TBC1D22A: variants seen among roughly 807,000 people sequenced by gnomAD.
TBC1D22A encodes putative GTPase activator.
In TBC1D22A, 38 loss-of-function variants were observed where a neutral mutation model predicts 60.2. The ratio of observed to expected loss-of-function variants is 0.63; its 90% CI spans 0.49 to 0.83. TBC1D22A has a LOEUF of 0.83. TBC1D22A is among the 40% of genes least tolerant of loss of function. The pLI is 0.00. For synonymous variants in TBC1D22A, 302 were observed against 281.7 expected (o/e 1.07, Z -0.72); for missense variants, 628 against 701.0 (o/e 0.90, Z 1.18).
intron 4 of TBC1D22A, among the ~76,000 whole-genome samples, chr22:46,875,050 T>A (rs533785194): frequency 6.6e-6 from 1 of 152,316 alleles, no homozygotes; most frequent in East Asian, 1.9e-4. Flanking sequence ...GCAGTTCCAC[T>A]CCTTCACACC....
At chr22:47,061,024 C>T (rs113990273) in intron 11 of TBC1D22A, among the ~76,000 whole-genome samples, 3,731 of 152,278 alleles carry the variant, frequency 0.025, 141 homozygotes, top group African/African-American at 0.085. Flanking sequence ...TCGCATGCGA[C>T]CTCCTGGAAA....
At chr22:46,874,562 CTTTTTTTTTTTTTT>C (rs747481407) in intron 4 of TBC1D22A, among the ~76,000 whole-genome samples, 1,479 of 40,894 alleles carry the variant, frequency 0.036, 31 homozygotes, top group South Asian at 0.077. Context: ...ACAGGTATGT[CTTTTTTTTTTTTTT>C]TTTTTTTTTT....
intron 3 of TBC1D22A, among the ~76,000 whole-genome samples, chr22:46,795,467 G>A (rs974524052): frequency 1.3e-5 from 2 of 152,018 alleles, no homozygotes; most frequent in East Asian, 3.9e-4. Flanking sequence ...ATGTCACCCT[G>A]GGATGTCACC....
At chr22:47,132,038 AG>A (rs2066695747) in intron 12 of TBC1D22A, among the ~76,000 whole-genome samples, 1 of 152,190 alleles carries the variant, frequency 6.6e-6, no homozygotes, top group African/African-American at 2.4e-5. Context: ...GCAAGGGTGC[AG>A]TGTGCGGCCA....
chr22:46,968,707 C>T (rs186557742), intron 8 of TBC1D22A, among the ~76,000 whole-genome samples: 4 of 152,198 alleles, frequency 2.6e-5, no homozygotes, highest in Non-Finnish European at 5.9e-5. Context: ...GATTTTTAGC[C>T]CATCCATCCC....
intron 12 of TBC1D22A, among the ~76,000 whole-genome samples, chr22:47,137,153 C>T (rs1171596454): frequency 6.6e-6 from 1 of 152,328 alleles, no homozygotes; most frequent in African/African-American, 2.4e-5. Context: ...GTGTTCATTT[C>T]GTTACCCTAA....
chr22:47,111,122 T>C (rs2065828730), intron 11 of TBC1D22A, among the ~76,000 whole-genome samples: 2 of 152,156 alleles, frequency 1.3e-5, no homozygotes, highest in African/African-American at 4.8e-5. Context: ...ATCTGTGGAG[T>C]GGGAGGAGGC....
intron 7 of TBC1D22A, 102 bp downstream of exon 7, chr22:46,894,948 C>A: frequency 7.4e-7 from 1 of 1,353,336 alleles, no homozygotes; most frequent in Non-Finnish European, 1.1e-6. Flanking sequence ...CACCCAGAAG[C>A]AAGGTTGCTG....
intron 4 of TBC1D22A, among the ~76,000 whole-genome samples, chr22:46,811,461 T>C (rs925680717): frequency 3.9e-5 from 6 of 152,064 alleles, no homozygotes; most frequent in Admixed American, 3.9e-4. Context: ...ATTTCCATAG[T>C]GGGAGATGGG....
At chr22:47,027,818 G>T (rs894788788) in intron 10 of TBC1D22A, among the ~76,000 whole-genome samples, 6 of 152,168 alleles carry the variant, frequency 3.9e-5, no homozygotes, top group Non-Finnish European at 8.8e-5. Context: ...AAGACTGGGC[G>T]AGCCTTCCAG....
chr22:46,790,227 G>T (rs1017405961), intron 1 of TBC1D22A, among the ~76,000 whole-genome samples: 7 of 152,242 alleles, frequency 4.6e-5, no homozygotes, highest in African/African-American at 1.7e-4. Context: ...CACGTTCCTT[G>T]GCATACAGCC....
intron 8 of TBC1D22A, chr22:46,915,086 C>T (rs140971769): frequency 1.9e-4 from 49 of 261,216 alleles, no homozygotes; most frequent in Admixed American, 4.1e-4. Flanking sequence ...AAGGGCAGGG[C>T]GGCTTGGGCT....
At chr22:47,113,810 C>T (rs2065933661) in intron 12 of TBC1D22A, among the ~76,000 whole-genome samples, 1 of 152,144 alleles carries the variant, frequency 6.6e-6, no homozygotes, top group African/African-American at 2.4e-5. Flanking sequence ...CTGAAGCAGG[C>T]CATGAGCCCC....
chr22:46,934,234 G>A (rs1444700843), intron 8 of TBC1D22A, among the ~76,000 whole-genome samples: 1 of 152,150 alleles, frequency 6.6e-6, no homozygotes, highest in Non-Finnish European at 1.5e-5. Context: ...GAAATTTTAA[G>A]TACCAGGGAA....
In TBC1D22A at chr22:46,889,019, A is replaced by G. The variant is rs566357478; in HGVS notation, c.709-2247A>G. ...GCGTCTGTCCAAAAATCTTTTTAAA[A>G]TAAGATACAGGAACACTAATTATAA... is the stretch of plus-strand genomic sequence containing the variant. On this transcript the variant is annotated intron_variant, in intron 5 of 12. Transcript: ENST00000337137. 5.9e-5 allele frequency among the ~76,000 whole-genome samples: 9 copies of G among 152,354 alleles called. No individual in the cohort carries two copies. In the South Asian group the frequency reaches 6.2e-4, roughly 11 times the overall value.
chr22:46,931,061 T>C (rs1470696306), intron 8 of TBC1D22A, among the ~76,000 whole-genome samples: 1 of 152,198 alleles, frequency 6.6e-6, no homozygotes, highest in Admixed American at 6.5e-5. Flanking sequence ...GTCCCTCCTG[T>C]TCTACCTCTG....
At chr22:46,934,341 T>C (rs2071523143) in intron 8 of TBC1D22A, among the ~76,000 whole-genome samples, 1 of 152,234 alleles carries the variant, frequency 6.6e-6, no homozygotes, top group South Asian at 2.1e-4. Context: ...TCGGTTACAT[T>C]CTCAGCCTTC....
intron 9 of TBC1D22A, among the ~76,000 whole-genome samples, chr22:46,977,425 C>A (rs546504803): frequency 3.7e-4 from 57 of 152,162 alleles, no homozygotes; most frequent in African/African-American, 1.3e-3. Context: ...CCCCTCTGTC[C>A]CCAAGAAGCT....
chr22:47,171,756 G>T (rs548500822), intron 12 of TBC1D22A, among the ~76,000 whole-genome samples: 1 of 152,130 alleles, frequency 6.6e-6, no homozygotes, highest in African/African-American at 2.4e-5. Context: ...GTCGTGGGGG[G>T]TCCCCCGAGG....
Sources: gnomAD v4.1 joint callset for allele counts (sites outside exome capture counted in the v4.1 genomes callset) on GRCh38, gnomAD v4.1.1 for gene constraint, MANE v1.5 for transcripts, NCBI Gene and HGNC (gene_info 2026-07-23, HGNC 2026-07-21) for gene names.